Variants in PVR observed in about 807,000 individuals in gnomAD.
The protein encoded by PVR is poliovirus receptor.
Under a neutral mutation model 43.3 loss-of-function variants are expected in PVR, and 39 were observed. The ratio of observed to expected loss-of-function variants is 0.90; its 90% CI spans 0.70 to 1.18. The LOEUF (loss-of-function observed/expected upper bound fraction) is 1.18. Among genes scored for constraint, PVR ranks in the 50% most tolerant of loss-of-function variants. PVR has a pLI of 0.00. For synonymous variants in PVR, 224 were observed against 233.2 expected, an observed-to-expected ratio of 0.96 and a Z score of 0.36; for missense variants, 480 against 549.7, an observed-to-expected ratio of 0.87 and a Z score of 1.27.
rs181029319 is a variant in PVR at position 44,650,159 on chromosome 19, A to C, written c.724+54A>C. On this transcript the variant is annotated intron_variant, in intron 3 of 7. Coordinates refer to ENST00000425690, the MANE Select transcript of PVR (RefSeq NM_006505.5). ...GAACCCCTGCCGGGCTGCCCCCACC[A>C]CTGTCTACACTGACTCCCCAAGGCA... 3.2e-4 allele frequency: 466 copies of C among 1,444,908 alleles called. 2 individuals are homozygous for C. The African/African-American group carries it at 6.0e-3, about 19-fold the overall frequency. 89.5% of individuals were successfully genotyped at this position (1,444,908 alleles called of 1,614,324 possible).
In PVR at chr19:44,661,858, T is replaced by C. The variant is rs774422450; in HGVS notation, c.*47T>C. On this transcript the variant is annotated 3_prime_UTR_variant, in exon 8 of 8. Transcript: ENST00000425690. The stretch of plus-strand genomic sequence containing the variant: ...AGAGAGACTGGAGCTGGCAAGGACG[T>C]GGGCCTCCAGAGTTGGACCCGACCC... 71 of 1,575,622 alleles carry C rather than the reference T, an allele frequency of 4.5e-5. No homozygotes were observed. Among genetic ancestry groups the C allele is most frequent in the Non-Finnish European group, 5.6e-5 (64 of 1,147,352 alleles).
chr19:44,648,272 G>C (rs1014873492), intron 2 of PVR, among the ~76,000 whole-genome samples: 3 of 152,192 alleles, frequency 2.0e-5, no homozygotes, highest in Non-Finnish European at 4.4e-5. Context: ...CCTTAGAGCT[G>C]TCGGTTACTG....
rs919048863 is a variant in PVR at position 44,666,026 on chromosome 19, G to A, written c.*4215G>A. 2.0e-5 allele frequency: 3 copies of A among 152,324 alleles called. No homozygotes were observed. Among genetic ancestry groups the A allele is most frequent in the African/African-American group, 7.2e-5 (3 of 41,456 alleles). 9.4% of individuals were successfully genotyped at this position (152,324 alleles called of 1,614,324 possible). ...GGAGAGGCCCAGATGAAGGCTGCAG[G>A]ACAGGATGGACTCCTAGACCTCTGT... On this transcript the variant is annotated 3_prime_UTR_variant, in exon 8 of 8. Coordinates refer to ENST00000425690, the MANE Select transcript of PVR (RefSeq NM_006505.5).
intron 1 of PVR, 91 bp from the exon 2 acceptor site, chr19:44,647,132 G>T: frequency 1.5e-6 from 1 of 664,492 alleles, no homozygotes. Flanking sequence ...CAGCGTGCAA[G>T]TGCACGCCCA....
Position 44,653,960 on chromosome 19 carries a change from C to T in PVR, c.785C>T (p.Ala262Val). 1.2e-6 allele frequency: 2 copies of T among 1,614,210 alleles called. No homozygotes were observed. The highest frequency in any genetic ancestry group is 1.7e-6 in the Non-Finnish European group (2 of 1,180,018). Residue 262 changes from alanine to valine, a missense_variant, in exon 4 of 8, where the codon GCC (alanine) becomes GTC (valine). Physicochemically the swap from Ala to Val is moderately conservative, Grantham distance 64 (BLOSUM62 0). Coordinates refer to ENST00000425690, the MANE Select transcript of PVR (RefSeq NM_006505.5). ...AACTGGTACCTTGGCCAGAATGAGG[C>T]CACCCTGACCTGCGATGCTCGCAGC... ...DNNWYLGQNEATLTCDARSNP... is the reference protein window; with the variant it reads ...DNNWYLGQNEVTLTCDARSNP...
intron 2 of PVR, among the ~76,000 whole-genome samples, chr19:44,648,443 A>G (rs924319218): frequency 1.4e-4 from 22 of 151,840 alleles, no homozygotes; most frequent in African/African-American, 5.3e-4. Flanking sequence ...CAGTTTCCTC[A>G]TCTGTGGGAT....
chr19:44,648,652 C>CTGTTTTGTTTTGTTT (rs55976228), intron 2 of PVR, among the ~76,000 whole-genome samples: 134 of 151,436 alleles, frequency 8.8e-4, no homozygotes, highest in African/African-American at 3.2e-3. Flanking sequence ...AACTTGTTTT[C>CTGTTTTGTTTTGTTT]TGTTTTGTTT....
At chr19:44,645,376 AATAG>A (rs1217019477) in intron 1 of PVR, among the ~76,000 whole-genome samples, 22 of 124,556 alleles carry the variant, frequency 1.8e-4, no homozygotes, top group Admixed American at 8.7e-4. Context: ...TTAAAGAGTA[AATAG>A]ATAACATATT....
intron 4 of PVR, among the ~76,000 whole-genome samples, chr19:44,655,333 C>T (rs1005188409): frequency 6.6e-5 from 10 of 152,182 alleles, no homozygotes; most frequent in Non-Finnish European, 1.3e-4. Context: ...AAGCAATCAA[C>T]CCACCTCAGC....
At position 44,644,184 on chromosome 19, in the gene PVR, C is replaced by T; in HGVS notation, c.79+9C>T. 6.7e-7 allele frequency: 1 copy of T among 1,492,736 alleles called. No homozygotes were observed. The allele number at this position is 1,492,736 out of a possible 1,614,324, so 92.5% of individuals were successfully genotyped here. ...GCCACCCCCAGGAACCGGTGAGTGA[C>T]CCCCGCGCAGTCCGGTGGCCCCTGT... On this transcript the variant is annotated intron_variant, in intron 1 of 7. Coordinates refer to ENST00000425690, the MANE Select transcript of PVR (RefSeq NM_006505.5).
chr19:44,649,724 A>T, intron 2 of PVR, 85 bp from the exon 3 acceptor site: 1 of 1,439,226 alleles, frequency 6.9e-7, no homozygotes, highest in Non-Finnish European at 9.5e-7. Flanking sequence ...CCCAGCAACC[A>T]TGCCATCCTG....
intron 3 of PVR, among the ~76,000 whole-genome samples, chr19:44,651,258 T>A (rs1052094503): frequency 1.3e-5 from 2 of 152,104 alleles, no homozygotes; most frequent in Non-Finnish European, 1.5e-5. Flanking sequence ...CACCACCTAT[T>A]TTGGCCACCA....
chr19:44,653,823 C>A, intron 3 of PVR, 77 bp from the exon 4 acceptor site: 1 of 967,320 alleles, frequency 1.0e-6, no homozygotes, highest in Non-Finnish European at 1.7e-6. Flanking sequence ...CCTTTTCCTG[C>A]AGTGTCGTGA....
At chr19:44,647,077 T>TGCCCCCCCCCCCCCCCCC in intron 1 of PVR, 146 bp from the exon 2 acceptor site, 3 of 311,370 alleles carry the variant, frequency 9.6e-6, no homozygotes, top group Non-Finnish European at 1.1e-5. Flanking sequence ...GTGCCCCAGT[T>TGCCCCCCCCCCCCCCCCC]CCCCCTCCCC....
At chr19:44,649,713 G>A (rs900899015) in intron 2 of PVR, 96 bp from the exon 3 acceptor site, 13 of 1,361,264 alleles carry the variant, frequency 9.5e-6, no homozygotes, top group Middle Eastern at 2.4e-4. Context: ...GAGCCACCCC[G>A]CCCAGCAACC....
At chr19:44,646,544 C>T (rs1973119343) in intron 1 of PVR, among the ~76,000 whole-genome samples, 1 of 152,108 alleles carries the variant, frequency 6.6e-6, no homozygotes, top group South Asian at 2.1e-4. Context: ...GTGGGAGGAT[C>T]ACTTGAGGTC....
In PVR at chr19:44,662,799, A is replaced by C. The variant is rs1321710013; in HGVS notation, c.*988A>C. The C allele has an allele frequency of 6.6e-6, 1 of 152,206 alleles. No homozygotes were observed. The highest frequency in any genetic ancestry group is 1.5e-5 in the Non-Finnish European group (1 of 68,046). The allele number at this position is 152,206 out of a possible 1,614,324, so 9.4% of individuals were successfully genotyped here. The stretch of plus-strand genomic sequence containing the variant: ...GGGCCACCAGAGAATTTTGGTAAAA[A>C]TTTGGCCTCTGGCCTTGAGCTTCTA... On this transcript the variant is annotated 3_prime_UTR_variant, in exon 8 of 8. Coordinates refer to ENST00000425690, the MANE Select transcript of PVR (RefSeq NM_006505.5).
intron 6 of PVR, 112 bp downstream of exon 6, chr19:44,659,012 T>TCAG: frequency 9.9e-7 from 1 of 1,012,200 alleles, no homozygotes; most frequent in Non-Finnish European, 1.5e-6. Context: ...GTTTCCCCCA[T>TCAG]TTGACTGATG....
rs928004011 is a variant in PVR, at chr19:44,647,165, C to G, written c.80-58C>G. ...CCAGGTGCCCGGGCTCCTGGAGCCC[C>G]TCCCTATCTAGTCCAAGAACGCCCC... On this transcript the variant is annotated intron_variant, in intron 1 of 7. Coordinates refer to ENST00000425690, the MANE Select transcript of PVR (RefSeq NM_006505.5). 2.9e-6 allele frequency: 4 copies of G among 1,366,882 alleles called. No homozygotes were observed. The African/African-American group carries it at 4.4e-5, about 15-fold the overall frequency. The allele number at this position is 1,366,882 out of a possible 1,614,324, so 84.7% of individuals were successfully genotyped here. A position where few individuals can be genotyped will look rare whatever the true frequency, so the allele number is the denominator to read the frequency against.
Sources: allele counts gnomAD v4.1 joint callset (sites outside exome capture counted in the v4.1 genomes callset), GRCh38; gene constraint gnomAD v4.1.1; transcripts MANE v1.5; gene names NCBI Gene and HGNC (gene_info 2026-07-23, HGNC 2026-07-21).